Variants in USP8 observed in about 807,000 individuals in gnomAD.
USP8 encodes ubiquitin specific peptidase 8, also known as ubiquitin carboxyl-terminal hydrolase 8.
A neutral mutation model predicts 130.0 loss-of-function variants in USP8; 27 were observed. That is an observed-to-expected ratio of 0.21 (90% CI 0.15 to 0.29). USP8 has a LOEUF of 0.29. Among genes scored for constraint, USP8 ranks in the 10% least tolerant of loss-of-function variants. The probability of loss-of-function intolerance (pLI) is 1.00; values close to 1 mark genes in which losing one functional copy is unlikely to be tolerated. For synonymous variants in USP8, 392 were observed against 444.1 expected, an observed-to-expected ratio of 0.88 and a Z score of 1.48; for missense variants, 1,029 against 1,312.2, an observed-to-expected ratio of 0.78 and a Z score of 3.33.
intron 6 of USP8, chr15:50,463,319 A>G (rs1298715687): frequency 6.6e-6 from 1 of 152,224 alleles, no homozygotes; most frequent in African/African-American, 2.4e-5. Flanking sequence ...GACCTAAACA[A>G]GACTTTGGAA....
intron 4 of USP8, among the ~76,000 whole-genome samples, chr15:50,452,676 C>G (rs774173725): frequency 6.6e-6 from 1 of 152,048 alleles, no homozygotes; most frequent in Non-Finnish European, 1.5e-5. Context: ...CAGTTTTTTT[C>G]TTATTAATTG....
Position 50,473,822 on chromosome 15 carries a change from T to A in USP8, c.849+2027T>A, listed in dbSNP as rs150617717. 1.7e-3 allele frequency among the ~76,000 whole-genome samples: 247 copies of A among 148,734 alleles called. No homozygotes were observed. In the East Asian group the frequency reaches 0.023, roughly 14 times the overall value. ...CATCTAAGTATATATATATATATAT[T>A]TTTTTAATTTAATTTAATTTTATTT... On this transcript the variant is annotated intron_variant, in intron 8 of 19. Coordinates refer to ENST00000307179, the MANE Select transcript of USP8 (RefSeq NM_005154.5).
At chr15:50,441,831 T>A (rs986254358) in intron 3 of USP8, among the ~76,000 whole-genome samples, 1 of 152,134 alleles carries the variant, frequency 6.6e-6, no homozygotes, top group African/African-American at 2.4e-5. Context: ...TGTTTTTTTT[T>A]ATAGTACTTT....
Position 50,481,763 on chromosome 15 carries a change from C to G in USP8, c.1501C>G (p.Gln501Glu), listed in dbSNP as rs371732889. Reference protein sequence around the residue: ...KEKLRKEEQEQKAKKKQEAEE... With the variant: ...KEKLRKEEQEEKAKKKQEAEE... ...GAAACTGAGGAAGGAAGAACAAGAA[C>G]AAAAAGCCAAAAAGAAACAAGAAGC... The change falls in exon 11 of 20, where the codon CAA (glutamine) becomes GAA (glutamate). Residue 501 changes from glutamine (Q) to glutamate (E), a missense_variant. Gln to Glu is a conservative substitution (Grantham distance 29, BLOSUM62 2). Coordinates refer to ENST00000307179, the MANE Select transcript of USP8 (RefSeq NM_005154.5). 1.3e-6 allele frequency: 2 copies of G among 1,568,312 alleles called. No homozygotes were observed. Among genetic ancestry groups the G allele is most frequent in the Admixed American group, 2.0e-5 (1 of 50,258 alleles).
At chr15:50,475,149 A>G (rs2051519499) in intron 8 of USP8, among the ~76,000 whole-genome samples, 1 of 152,194 alleles carries the variant, frequency 6.6e-6, no homozygotes. Context: ...AAACAAAAAC[A>G]TAAAGTAAAA....
chr15:50,437,375 T>C (rs2050121885), intron 1 of USP8, among the ~76,000 whole-genome samples: 1 of 152,226 alleles, frequency 6.6e-6, no homozygotes, highest in South Asian at 2.1e-4. Flanking sequence ...CTCATTTATA[T>C]CTTTAAGCAA....
At chr15:50,493,819 C>T (rs991803461) in intron 15 of USP8, 19 of 628,436 alleles carry the variant, frequency 3.0e-5, no homozygotes, top group South Asian at 1.4e-4. Context: ...GGCAGAACCT[C>T]GCTGTCATGA....
chr15:50,442,140 A>G (rs2050281843), intron 3 of USP8, among the ~76,000 whole-genome samples: 1 of 151,760 alleles, frequency 6.6e-6, no homozygotes, highest in African/African-American at 2.4e-5. Context: ...AAGCCTGGCT[A>G]ATTTTGTATT....
In USP8 at chr15:50,494,271, T is replaced by G; in HGVS notation, c.2649T>G (p.Asp883Glu). ...LLFLMDGLHE[D>E]LNKADNRKRY... ...TCCTAATGGATGGTCTCCATGAAGA[T>G]CTAAATAAAGTAAGAAATTTGATTT... The change falls in exon 16 of 20, where the codon GAT becomes GAG. Residue 883 changes from aspartate (D) to glutamate (E), a missense_variant. Around this residue, in one of 4 missense-constraint regions of USP8, gnomAD observed 257 missense variants for 429.8 expected, o/e 0.60. Transcript: ENST00000307179. 1 of 1,599,914 alleles carries G rather than the reference T, an allele frequency of 6.3e-7. No homozygotes were observed. The highest frequency in any genetic ancestry group is 8.5e-7 in the Non-Finnish European group (1 of 1,176,172).
chr15:50,444,520 C>G (rs1159672383), intron 3 of USP8: 1 of 147,786 alleles, frequency 6.8e-6, no homozygotes, highest in African/African-American at 2.5e-5. Flanking sequence ...TTTTTCTCTT[C>G]TTGAGAAGGT....
rs868751360 is a variant in USP8 at position 50,466,488 on chromosome 15, G to A, written c.686+1297G>A. 2.2e-4 allele frequency among the ~76,000 whole-genome samples: 33 copies of A among 152,058 alleles called. No homozygotes were observed. In the Middle Eastern group the frequency reaches 0.014, roughly 63 times the overall value. Reference sequence around the variant, plus strand: ...CGTATGCCTATAATCCCAGCTACTCGGGAGGCTGAGGCAGGAGAGTGGCAT... The same window carrying A: ...CGTATGCCTATAATCCCAGCTACTCAGGAGGCTGAGGCAGGAGAGTGGCAT... On this transcript the variant is annotated intron_variant, in intron 7 of 19. Transcript: ENST00000307179.
intron 5 of USP8, among the ~76,000 whole-genome samples, chr15:50,461,072 AACCTCC>A (rs2050982253): frequency 6.6e-6 from 1 of 151,824 alleles, no homozygotes; most frequent in African/African-American, 2.4e-5. Flanking sequence ...AGCTCACTGC[AACCTCC>A]ACCTCCCAGG....
chr15:50,451,542 C>T (rs141196901), intron 4 of USP8, among the ~76,000 whole-genome samples: 2 of 152,140 alleles, frequency 1.3e-5, no homozygotes, highest in African/African-American at 4.8e-5. Flanking sequence ...TGCTAAATAA[C>T]CTCTGGGTCC....
At chr15:50,495,152 C>T (rs1424801777) in intron 16 of USP8, among the ~76,000 whole-genome samples, 1 of 151,684 alleles carries the variant, frequency 6.6e-6, no homozygotes, top group Non-Finnish European at 1.5e-5. Flanking sequence ...CTTTTTGTCT[C>T]ACATATTTTG....
intron 5 of USP8, among the ~76,000 whole-genome samples, chr15:50,461,294 T>C (rs2050992091): frequency 6.6e-6 from 1 of 151,808 alleles, no homozygotes; most frequent in African/African-American, 2.4e-5. Context: ...GCCTGGCCTC[T>C]ACAAACATTT....
At position 50,501,289 on chromosome 15, in the gene USP8, A is replaced by ATATC. The variant is rs1474812084; in HGVS notation, c.*2203_*2206dup. On this transcript the variant is annotated 3_prime_UTR_variant, in exon 20 of 20. Transcript: ENST00000307179. ...AGCCTGGGCAAAATAGCGAGACTCC[A>ATATC]TATCTTTTAAAGGAAAAAAAAAAAA... 7.0e-6 allele frequency: 1 copy of ATATC among 143,376 alleles called. No homozygotes were observed. The highest frequency in any genetic ancestry group is 2.6e-5 in the African/African-American group (1 of 37,810). The allele number at this position is 143,376 out of a possible 1,614,324, so 8.9% of individuals were successfully genotyped here.
chr15:50,490,994 A>AT (rs2052140097), intron 14 of USP8, among the ~76,000 whole-genome samples: 1 of 152,164 alleles, frequency 6.6e-6, no homozygotes, highest in African/African-American at 2.4e-5. Flanking sequence ...TCTAATCCTT[A>AT]TTCTGTTCCC....
intron 5 of USP8, among the ~76,000 whole-genome samples, chr15:50,459,996 C>CTTTTTTT (rs1555386693): frequency 3.2e-4 from 29 of 92,010 alleles, no homozygotes; most frequent in African/African-American, 9.1e-4. Context: ...CACCCCCCCC[C>CTTTTTTT]TTTTTTTTTT....
At chr15:50,493,333 G>A (rs987778359) in intron 15 of USP8, 1 of 520,418 alleles carries the variant, frequency 1.9e-6, no homozygotes, top group Middle Eastern at 3.2e-4. Context: ...GCATTTTGGT[G>A]TAGGGCTACA....
Sources: allele counts gnomAD v4.1 joint callset (sites outside exome capture counted in the v4.1 genomes callset), GRCh38; gene constraint gnomAD v4.1.1; regional missense constraint gnomAD v4.1.1; transcripts MANE v1.5; gene names NCBI Gene and HGNC (gene_info 2026-07-23, HGNC 2026-07-21).